CDYL: variants seen among roughly 807,000 people sequenced by gnomAD.
CDYL encodes the protein chromodomain Y-like protein.
A neutral mutation model predicts 47.3 loss-of-function variants in CDYL; 8 were observed. That is an observed-to-expected ratio of 0.17 (90% CI 0.10 to 0.31). The LOEUF is 0.31. Among genes scored for constraint, CDYL ranks in the 10% least tolerant of loss-of-function variants. The pLI is 1.00. For missense variants in CDYL, 471 were observed against 701.4 expected, an observed-to-expected ratio of 0.67 and a Z score of 3.71; for synonymous variants, 266 against 265.0, an observed-to-expected ratio of 1.00 and a Z score of -0.04.
At chr6:4,804,318 T>C (rs1759309023) in intron 1 of CDYL, among the ~76,000 whole-genome samples, 1 of 152,184 alleles carries the variant, frequency 6.6e-6, no homozygotes, top group Non-Finnish European at 1.5e-5. Flanking sequence ...CATGTTGAAG[T>C]GCGGGGCGCT....
intron 3 of CDYL, among the ~76,000 whole-genome samples, chr6:4,758,962 C>G (rs1251481636): frequency 7.0e-6 from 1 of 142,920 alleles, no homozygotes; most frequent in East Asian, 2.0e-4. Context: ...ACCCAGTTTT[C>G]TTTTTCTTTT....
At chr6:4,759,927 A>G (rs1758146896) in intron 3 of CDYL, among the ~76,000 whole-genome samples, 1 of 108,776 alleles carries the variant, frequency 9.2e-6, no homozygotes, top group Non-Finnish European at 1.9e-5. Flanking sequence ...AAAAAAAAAG[A>G]AGAAGAAAGA....
chr6:4,945,671 G>C (rs748570640), intron 5 of CDYL, among the ~76,000 whole-genome samples: 1 of 152,246 alleles, frequency 6.6e-6, no homozygotes, highest in African/African-American at 2.4e-5. Flanking sequence ...TCTTTGTACT[G>C]TATGTGCTAC....
chr6:4,738,406 A>AATAAAG (rs56046412), intron 3 of CDYL, among the ~76,000 whole-genome samples: 2 of 151,728 alleles, frequency 1.3e-5, no homozygotes, highest in East Asian at 3.9e-4. Flanking sequence ...TAAAAATAAA[A>AATAAAG]CAAATGCAGG....
At position 4,743,720 on chromosome 6, in the gene CDYL, T is replaced by C. The variant is rs375852120; in HGVS notation, c.186+8876T>C. 5.1e-4 allele frequency among the ~76,000 whole-genome samples: 78 copies of C among 152,330 alleles called. 1 individual carries two copies. In the South Asian group the frequency reaches 0.016, roughly 30 times the overall value. On this transcript the variant is annotated intron_variant, in intron 3 of 8. Coordinates refer to the CDYL transcript ENST00000328908. ...ATATATATCATCCAACTCATGGGTG[T>C]TGAATTTTATATTGATTAGGATAAG...
intron 1 of CDYL, among the ~76,000 whole-genome samples, chr6:4,712,034 C>T (rs1201765140): frequency 6.6e-6 from 1 of 152,078 alleles, no homozygotes; most frequent in Non-Finnish European, 1.5e-5. Context: ...CACTGCACTC[C>T]AGCCCAGGTG....
intron 3 of CDYL, among the ~76,000 whole-genome samples, chr6:4,765,568 G>T (rs531464113): frequency 1.4e-5 from 2 of 143,522 alleles, no homozygotes; most frequent in African/African-American, 5.1e-5. Flanking sequence ...TTTGTTTCCC[G>T]TTTTTTTTTT....
intron 2 of CDYL, among the ~76,000 whole-genome samples, chr6:4,904,033 C>T (rs931787177): frequency 2.0e-5 from 3 of 152,152 alleles, no homozygotes; most frequent in Non-Finnish European, 4.4e-5. Flanking sequence ...AGAAAGAGCC[C>T]TCGTTTCTGA....
intron 1 of CDYL, among the ~76,000 whole-genome samples, chr6:4,824,990 C>T (rs1164889004): frequency 1.3e-5 from 2 of 152,084 alleles, no homozygotes; most frequent in African/African-American, 4.8e-5. Context: ...TGTGCCTCAG[C>T]CTCCTGAGTA....
chr6:4,900,829 A>ATATATATATATT (rs1757026164), intron 2 of CDYL, among the ~76,000 whole-genome samples: 1 of 80,252 alleles, frequency 1.2e-5, no homozygotes, highest in African/African-American at 4.9e-5. Flanking sequence ...ATATATATAT[A>ATATATATATATT]TCTTGCCTGT....
At position 4,715,635 on chromosome 6, in the gene CDYL, ACT is replaced by A. The variant is rs1757241462; in HGVS notation, c.-38-102_-38-101del. The A allele has an allele frequency of 5.5e-6, 6 of 1,090,132 alleles. No individual in the cohort carries two copies. The Admixed American group carries it at 9.2e-5, about 17-fold the overall frequency. The allele number at this position is 1,090,132 out of a possible 1,614,324, so 67.5% of individuals were successfully genotyped here. A position where few individuals can be genotyped will look rare whatever the true frequency, so the allele number is the denominator to read the frequency against. On this transcript the variant is annotated intron_variant, in intron 1 of 8. Transcript: ENST00000328908. ...CTGCACAAGCACAAAATGCTGGCTC[ACT>A]CTCAGATTCAATGTAGAACTGGTGA...
In CDYL at chr6:4,954,043, T is replaced by C. The variant is rs1758793991; in HGVS notation, c.1622T>C (p.Ile541Thr). The change falls in exon 7 of 7, where the codon ATC becomes ACC. Residue 541 changes from isoleucine to threonine, a missense_variant. Ile to Thr is a moderately conservative substitution (Grantham distance 89). Transcript: ENST00000397588. ...DSMLKYLQRKIDEF is the reference protein window; with the variant it reads ...DSMLKYLQRKTDEF ...ATGTTAAAGTACTTGCAGAGGAAGA[T>C]CGATGAGTTCTGAGTGTCGGGCTGC... is the stretch of plus-strand genomic sequence containing the variant. 2 of 1,613,612 alleles carry C rather than the reference T, an allele frequency of 1.2e-6. No homozygotes were observed. The highest frequency in any genetic ancestry group is 2.7e-5 in the African/African-American group (2 of 74,856).
intron 1 of CDYL, among the ~76,000 whole-genome samples, chr6:4,826,802 A>G (rs1759993686): frequency 1.3e-5 from 2 of 152,200 alleles, no homozygotes; most frequent in African/African-American, 2.4e-5. Flanking sequence ...TTAAGAAGGT[A>G]TATTCTGCTG....
intron 5 of CDYL, among the ~76,000 whole-genome samples, chr6:4,949,454 G>A (rs57160446): frequency 0.01 from 1,593 of 152,308 alleles, 37 homozygotes; most frequent in African/African-American, 0.035. Context: ...CTCGCCACCC[G>A]TCCTGCTGTA....
chr6:4,842,272 ATC>A (rs1349772252), intron 1 of CDYL, among the ~76,000 whole-genome samples: 5 of 146,748 alleles, frequency 3.4e-5, no homozygotes, highest in African/African-American at 1.2e-4. Flanking sequence ...TAATATAAAT[ATC>A]TGTTAAGTCC....
At chr6:4,738,352 G>C (rs1049232550) in intron 3 of CDYL, among the ~76,000 whole-genome samples, 1 of 152,022 alleles carries the variant, frequency 6.6e-6, no homozygotes, top group African/African-American at 2.4e-5. Flanking sequence ...GCACCTCAGC[G>C]TGGGTGACCA....
intron 2 of CDYL, among the ~76,000 whole-genome samples, chr6:4,716,593 A>T (rs200024106): frequency 2.9e-4 from 35 of 119,966 alleles, no homozygotes; most frequent in East Asian, 4.8e-4. Context: ...GGCAGCAATA[A>T]TTTTTTTTTT....
chr6:4,920,665 C>T (rs1757685583), intron 2 of CDYL, among the ~76,000 whole-genome samples: 1 of 152,198 alleles, frequency 6.6e-6, no homozygotes, highest in African/African-American at 2.4e-5. Flanking sequence ...GTCGCCCAGG[C>T]TGGAGTGTAC....
chr6:4,805,403 C>T (rs1259868514), intron 1 of CDYL, among the ~76,000 whole-genome samples: 1 of 152,146 alleles, frequency 6.6e-6, no homozygotes, highest in Non-Finnish European at 1.5e-5. Context: ...ACTGGTAATT[C>T]GAATGGCGGA....
Sources: allele counts gnomAD v4.1 joint callset (sites outside exome capture counted in the v4.1 genomes callset), GRCh38; gene constraint gnomAD v4.1.1; transcripts MANE v1.5; gene names NCBI Gene and HGNC (gene_info 2026-07-23, HGNC 2026-07-21).